Variants in DNAH7 observed in about 807,000 individuals in gnomAD.
DNAH7 encodes dynein axonemal heavy chain 7.
DNAH7 carries 397 observed loss-of-function variants against 444.6 expected under a neutral mutation model. The observed-to-expected ratio is 0.89, with a 90% confidence interval of 0.82 to 0.97. DNAH7 has a LOEUF of 0.97. Ranked by LOEUF, DNAH7 falls within the 50% of genes least tolerant of loss-of-function variation. The pLI, the probability that DNAH7 is intolerant of heterozygous loss-of-function variation, is 0.00. For missense variants in DNAH7, 4,902 were observed against 4,800.8 expected (o/e 1.02, Z -0.62); for synonymous variants, 1,636 against 1,624.4 (o/e 1.01, Z -0.17).
chr2:195,804,156 T>C (rs1696603038), intron 54 of DNAH7, among the ~76,000 whole-genome samples: 1 of 152,192 alleles, frequency 6.6e-6, no homozygotes, highest in Non-Finnish European at 1.5e-5. Context: ...ATACAGATTA[T>C]CTCTTAGAGG....
rs150209447 is a variant in DNAH7 at position 195,836,498 on chromosome 2, A to G, written c.8946-2138T>C. On this transcript the variant is annotated intron_variant, in intron 47 of 64. Coordinates refer to ENST00000312428, the MANE Select transcript of DNAH7 (RefSeq NM_018897.3). Reference sequence around the variant, plus strand: ...GGTGACAGAGTGAGACCCTGTCTTAAAAAAAAAAAAAAGAAAGGCTCTATC... The same window carrying G: ...GGTGACAGAGTGAGACCCTGTCTTAGAAAAAAAAAAAAGAAAGGCTCTATC... Among the ~76,000 whole-genome samples the G allele has an allele frequency of 7.2e-3, 1,048 of 145,548 alleles. 7 individuals carry two copies. The highest frequency in any genetic ancestry group is 0.025 in the African/African-American group (995 of 40,312).
At chr2:195,882,156 A>G (rs1701422483) in intron 35 of DNAH7, among the ~76,000 whole-genome samples, 164 bp from the exon 36 acceptor site, 2 of 152,236 alleles carry the variant, frequency 1.3e-5, no homozygotes, top group African/African-American at 4.8e-5. Flanking sequence ...TAAATTGTAC[A>G]TGTAAATTAA....
Position 195,968,946 on chromosome 2 carries a change from C to T in DNAH7, c.2205+1002G>A, listed in dbSNP as rs150217963. Among the ~76,000 whole-genome samples, 406 of 152,356 alleles carry T rather than the reference C, an allele frequency of 2.7e-3. 3 individuals carry two copies. The highest frequency in any genetic ancestry group is 9.4e-3 in the African/African-American group (393 of 41,590). On this transcript the variant is annotated intron_variant, in intron 17 of 64. Coordinates refer to ENST00000312428, the MANE Select transcript of DNAH7 (RefSeq NM_018897.3). Reference sequence around the variant, plus strand: ...AATGCAAAGTCCCCCAGTCACTACGCTGTCCCTCCCCGACGTGTACAGATT... The same window carrying T: ...AATGCAAAGTCCCCCAGTCACTACGTTGTCCCTCCCCGACGTGTACAGATT...
chr2:195,827,614 CTG>C (rs1387721196), intron 48 of DNAH7, among the ~76,000 whole-genome samples: 1 of 152,170 alleles, frequency 6.6e-6, no homozygotes, highest in Non-Finnish European at 1.5e-5. Flanking sequence ...CAGCGTCTAG[CTG>C]TGTCTCCCAG....
intron 5 of DNAH7, among the ~76,000 whole-genome samples, chr2:196,031,254 C>T (rs1472074007): frequency 6.6e-6 from 1 of 152,234 alleles, no homozygotes; most frequent in Non-Finnish European, 1.5e-5. Flanking sequence ...CTTTCAGCCA[C>T]AGCTGGAGCA....
chr2:195,954,180 T>TAC (rs1419057131), intron 19 of DNAH7, among the ~76,000 whole-genome samples: 2,167 of 152,054 alleles, frequency 0.014, 58 homozygotes, highest in African/African-American at 0.049. Flanking sequence ...CTCCCCACTC[T>TAC]CCCCACCCCA....
rs1699654562 is a variant in DNAH7, at chr2:195,855,692, T to C, written c.8595+119A>G. The C allele has an allele frequency of 7.4e-6, 8 of 1,086,214 alleles. No individual in the cohort carries two copies. The East Asian group carries it at 1.4e-4, about 20-fold the overall frequency. The allele number at this position is 1,086,214 out of a possible 1,614,324, so 67.3% of individuals were successfully genotyped here. ...ATGGGCAGATGTGGCCTGCGGGTCA[T>C]AGTTTGCCAATCCCTGACCAGGAAG... On this transcript the variant is annotated intron_variant, in intron 45 of 64. Transcript: ENST00000312428.
intron 55 of DNAH7, among the ~76,000 whole-genome samples, chr2:195,799,032 T>G (rs1242606070): frequency 6.6e-6 from 1 of 152,122 alleles, no homozygotes; most frequent in East Asian, 1.9e-4. Flanking sequence ...GTCAAAGAGT[T>G]TCCTGTCCCC....
chr2:196,026,534 C>G (rs1211228915), intron 7 of DNAH7, among the ~76,000 whole-genome samples: 1 of 152,092 alleles, frequency 6.6e-6, no homozygotes, highest in Non-Finnish European at 1.5e-5. Flanking sequence ...TTCTTCAGTG[C>G]TATCCTTTGT....
At chr2:195,795,768 G>A (rs894420144) in intron 56 of DNAH7, 1 of 152,206 alleles carries the variant, frequency 6.6e-6, no homozygotes, top group Non-Finnish European at 1.5e-5. Flanking sequence ...GGAAAGCAGA[G>A]AATACAACAG....
At chr2:195,922,657 C>T (rs1252259841) in intron 23 of DNAH7, among the ~76,000 whole-genome samples, 1 of 152,076 alleles carries the variant, frequency 6.6e-6, no homozygotes, top group African/African-American at 2.4e-5. Context: ...TCTCTCCTCC[C>T]ACCCCATACC....
intron 3 of DNAH7, among the ~76,000 whole-genome samples, chr2:196,050,218 T>C (rs948157271): frequency 1.3e-5 from 2 of 152,172 alleles, no homozygotes; most frequent in South Asian, 2.1e-4. Flanking sequence ...GAAGACATTA[T>C]GTTAAGTGAA....
Position 195,799,376 on chromosome 2 carries a change from T to C in DNAH7, c.10273A>G (p.Asn3425Asp). The change falls in exon 55 of 65, where the codon AAC becomes GAC. Residue 3425 changes from asparagine (N) to aspartate (D), a missense_variant. Physicochemically the swap from Asn to Asp is conservative, Grantham distance 23. Transcript: ENST00000312428. ...ACGAAAATCAGTGGTGCACAGCAGT[T>C]ACTGTCTCCAAATGCCTTGGCTAAA... Reference protein sequence around the residue: ...FDLAKAFGDSNCCAPLIFVLS... With the variant: ...FDLAKAFGDSDCCAPLIFVLS... The C allele has an allele frequency of 6.2e-7, 1 of 1,612,882 alleles. No homozygotes were observed. The highest frequency in any genetic ancestry group is 8.5e-7 in the Non-Finnish European group (1 of 1,179,430).
At position 195,864,281 on chromosome 2, in the gene DNAH7, G is replaced by GA. The variant is rs1700189264; in HGVS notation, c.7373dup (p.Asn2459GlnfsTer5). 1 of 1,614,172 alleles carries GA rather than the reference G, an allele frequency of 6.2e-7. No homozygotes were observed. The highest frequency in any genetic ancestry group is 1.3e-5 in the African/African-American group (1 of 75,038). ...TGCGGCAATGATCAATAAACATGTTGAAAAGGGCTATGGGGCTGCCATCTG... is the reference window on the plus strand; with the variant it reads ...TGCGGCAATGATCAATAAACATGTTGAAAAAGGGCTATGGGGCTGCCATCTG... On this transcript the variant is annotated frameshift_variant, in exon 41 of 65. Coordinates refer to ENST00000312428, the MANE Select transcript of DNAH7 (RefSeq NM_018897.3). LOFTEE classifies it high-confidence loss of function.
rs77817274 is a variant in DNAH7, at chr2:195,816,975, C to T, written c.9426-12G>A. 29,267 of 1,544,788 alleles carry T rather than the reference C, an allele frequency of 0.019. 2,736 individuals carry two copies. In the East Asian group the frequency reaches 0.3, roughly 16 times the overall value. On this transcript the variant is annotated splice_polypyrimidine_tract_variant and intron_variant, in intron 50 of 64. Transcript: ENST00000312428. ...TTTCTTTTAACTGCCTGGAATAAAA[C>T]AAAATTTTCTTAGAAGAAAAAGAAG...
rs201322340 is a variant in DNAH7, at chr2:195,891,803, C to T, written c.4898G>A (p.Gly1633Glu). The T allele has an allele frequency of 1.4e-6, 2 of 1,469,092 alleles. No individual in the cohort carries two copies. Among genetic ancestry groups the T allele is most frequent in the Non-Finnish European group, 1.8e-6 (2 of 1,113,680 alleles). The allele number at this position is 1,469,092 out of a possible 1,614,324, so 91.0% of individuals were successfully genotyped here. Residue 1633 changes from glycine to glutamate, a missense_variant and splice_region_variant, in exon 31 of 65, where the codon GGG becomes GAG. Physicochemically the swap from Gly to Glu is moderately conservative, Grantham distance 98 (BLOSUM62 -2). Transcript: ENST00000312428. ...TTGAACTTTGTTTTCTTCCATTAGC[C>T]CCTTAATGAAAAAAAAAAACATTTA... ...AGALNDICEKGLMEENKVQIT... is the reference protein window; with the variant it reads ...AGALNDICEKELMEENKVQIT...
At position 195,794,396 on chromosome 2, in the gene DNAH7, C is replaced by A. The variant is rs369926836; in HGVS notation, c.10658G>T (p.Arg3553Leu). ...APKGLRANIIRSYLMDPISDP... is the reference protein window; with the variant it reads ...APKGLRANIILSYLMDPISDP... ...AGAGATCGGGTCCATGAGGTATGAT[C>A]GAATGATATTAGCCCGTAAACCTTT... The change falls in exon 57 of 65, where the codon CGA becomes CTA. Residue 3553 changes from arginine to leucine, a missense_variant. Arg to Leu is a moderately radical substitution (Grantham distance 102). Transcript: ENST00000312428. The A allele has an allele frequency of 2.0e-5, 33 of 1,613,968 alleles. No homozygotes were observed. Among genetic ancestry groups the A allele is most frequent in the Non-Finnish European group, 2.7e-5 (32 of 1,180,018 alleles).
chr2:196,012,658 A>G, intron 10 of DNAH7, 129 bp downstream of exon 10: 1 of 923,414 alleles, frequency 1.1e-6, no homozygotes, highest in South Asian at 2.0e-5. Context: ...AATTAAAGAT[A>G]TTATATTTAA....
rs755912873 is a variant in DNAH7 at position 195,766,167 on chromosome 2, A to ATTTTTTTTTTTTTTTTTTTTTTT, written c.11433+5470_11433+5492dup. On this transcript the variant is annotated intron_variant, in intron 61 of 64. Transcript: ENST00000312428. ...GTTCTCGTTTAATTTGTGGGAGCTAATTTTTTTTTTTTTTTTTTTTTTTTG... is the reference window on the plus strand; with the variant it reads ...GTTCTCGTTTAATTTGTGGGAGCTAATTTTTTTTTTTTTTTTTTTTTTTTTTTTTTTTTTTTTTTTTTTTTTTG... Among the ~76,000 whole-genome samples, 337 of 57,294 alleles carry ATTTTTTTTTTTTTTTTTTTTTTT rather than the reference A, an allele frequency of 5.9e-3. 59 individuals carry two copies. Among genetic ancestry groups the ATTTTTTTTTTTTTTTTTTTTTTT allele is most frequent in the Non-Finnish European group, 9.2e-3 (247 of 26,842 alleles). The allele number at this position is 57,294 out of a possible 152,430, so 37.6% of individuals were successfully genotyped here.
Sources: allele counts gnomAD v4.1 joint callset (sites outside exome capture counted in the v4.1 genomes callset), GRCh38; gene constraint gnomAD v4.1.1; transcripts MANE v1.5; gene names NCBI Gene and HGNC (gene_info 2026-07-23, HGNC 2026-07-21).